The following NSUN6 variants were observed in gnomAD, a reference collection of about 807,000 sequenced individuals.
The protein encoded by NSUN6 is NOP2/Sun RNA methyltransferase 6, also known as tRNA (cytosine(72)-C(5))-methyltransferase NSUN6.
NSUN6 carries 64 observed loss-of-function variants against 58.0 expected under a neutral mutation model. The observed-to-expected ratio is 1.10, with a 90% CI of 0.90 to 1.36. The LOEUF is 1.36. NSUN6 is among the 40% of genes most tolerant of loss of function. The pLI, the probability that NSUN6 is intolerant of heterozygous loss-of-function variation, is 0.00. For missense variants in NSUN6, 701 were observed against 550.1 expected, an observed-to-expected ratio of 1.27 and a Z score of -2.74; for synonymous variants, 231 against 193.9, an observed-to-expected ratio of 1.19 and a Z score of -1.59.
intron 4 of NSUN6, 142 bp from the exon 5 acceptor site, chr10:18,614,755 T>C: frequency 1.0e-5 from 4 of 390,464 alleles, no homozygotes; most frequent in East Asian, 3.6e-5. Context: ...CCTCAATCTT[T>C]AATAGAAAAT....
At chr10:18,631,327 C>T (rs1363901245) in intron 3 of NSUN6, among the ~76,000 whole-genome samples, 2 of 144,752 alleles carry the variant, frequency 1.4e-5, no homozygotes, top group Admixed American at 7.1e-5. Context: ...GGAAGCATTC[C>T]CTTTGAAAAC....
chr10:18,653,115 C>G (rs2131618683), upstream of NSUN6: 1 of 985,096 alleles, frequency 1.0e-6, no homozygotes, highest in African/African-American at 1.7e-5. Flanking sequence ...CATAGCACCA[C>G]TGATGGCTAG....
intron 9 of NSUN6, chr10:18,551,575 T>C (rs367923077): frequency 2.8e-6 from 1 of 354,632 alleles, no homozygotes; most frequent in Non-Finnish European, 5.0e-6. Flanking sequence ...TTCATATTAC[T>C]GAGCATAATG....
chr10:18,615,619 C>T (rs2058382195), intron 4 of NSUN6, among the ~76,000 whole-genome samples: 2 of 152,284 alleles, frequency 1.3e-5, no homozygotes, highest in South Asian at 4.1e-4. Context: ...AATTCTGATA[C>T]AGATCAAATT....
At chr10:18,624,936 G>A (rs2058739436) in intron 3 of NSUN6, among the ~76,000 whole-genome samples, 2 of 152,082 alleles carry the variant, frequency 1.3e-5, no homozygotes, top group East Asian at 1.9e-4. Flanking sequence ...CTTTCCTTTC[G>A]GGAGTCTGGG....
intron 8 of NSUN6, among the ~76,000 whole-genome samples, chr10:18,578,231 A>ATTTTTTTTTTT (rs71402184): frequency 3.3e-5 from 4 of 121,158 alleles, no homozygotes; most frequent in African/African-American, 6.5e-5. Flanking sequence ...CTCTAAGCCT[A>ATTTTTTTTTTT]TTTTTTTTTT....
intron 8 of NSUN6, among the ~76,000 whole-genome samples, chr10:18,577,566 A>G (rs555797350): frequency 6.6e-6 from 1 of 152,174 alleles, no homozygotes; most frequent in South Asian, 2.1e-4. Flanking sequence ...CTCCTTTTGG[A>G]AAATCAAGCA....
chr10:18,582,624 G>A (rs989265525), intron 8 of NSUN6, among the ~76,000 whole-genome samples: 6 of 152,188 alleles, frequency 3.9e-5, no homozygotes, highest in Admixed American at 1.3e-4. Flanking sequence ...GGCAACTTAT[G>A]TCCCAGGGCA....
chr10:18,582,966 C>T (rs966140537), intron 8 of NSUN6, among the ~76,000 whole-genome samples: 2 of 152,240 alleles, frequency 1.3e-5, no homozygotes, highest in South Asian at 2.1e-4. Context: ...GCCTCTGAGA[C>T]GAAGCTCAGC....
At chr10:18,612,276 AG>A (rs1400179652) in intron 5 of NSUN6, among the ~76,000 whole-genome samples, 2 of 152,096 alleles carry the variant, frequency 1.3e-5, no homozygotes, top group African/African-American at 2.4e-5. Context: ...TTAAAATATC[AG>A]CTGATCATGG....
intron 8 of NSUN6, among the ~76,000 whole-genome samples, chr10:18,570,765 C>CA (rs2056312625): frequency 1.5e-5 from 2 of 136,036 alleles, no homozygotes; most frequent in African/African-American, 5.1e-5. Context: ...TTCTCCATTC[C>CA]ATTCCATGCT....
chr10:18,658,249 C>G (rs988589382), upstream of NSUN6: 3 of 152,200 alleles, frequency 2.0e-5, no homozygotes, highest in Admixed American at 6.5e-5. Flanking sequence ...AGCATATTAT[C>G]CTGCATCTAA....
At chr10:18,564,034 CA>C (rs1409491067) in intron 8 of NSUN6, among the ~76,000 whole-genome samples, 1 of 150,950 alleles carries the variant, frequency 6.6e-6, no homozygotes, top group Non-Finnish European at 1.5e-5. Context: ...TTACATTTTA[CA>C]TTCCATTCTC....
chr10:18,574,203 C>T (rs772119594), intron 8 of NSUN6, among the ~76,000 whole-genome samples: 36 of 152,070 alleles, frequency 2.4e-4, no homozygotes, highest in Non-Finnish European at 1.5e-4. Flanking sequence ...CAGTCCAACA[C>T]GGCTACCACA....
At chr10:18,552,000 T>A (rs761009483) in intron 8 of NSUN6, 29 bp from the exon 9 acceptor site, 7 of 1,407,824 alleles carry the variant, frequency 5.0e-6, no homozygotes, top group Non-Finnish European at 7.0e-6. Context: ...TCATGTTTAC[T>A]ATCTTCCATA....
chr10:18,567,559 T>G (rs1215637635), intron 8 of NSUN6, among the ~76,000 whole-genome samples: 1 of 150,874 alleles, frequency 6.6e-6, no homozygotes, highest in South Asian at 2.1e-4. Context: ...TCTTCCATTC[T>G]CCATTCCGTT....
intron 3 of NSUN6, among the ~76,000 whole-genome samples, chr10:18,633,763 G>C (rs796907608): frequency 6.6e-6 from 1 of 152,222 alleles, no homozygotes; most frequent in African/African-American, 2.4e-5. Context: ...AACAAACCTG[G>C]ATCAACTATC....
chr10:18,563,085 AGAATGGAATG>A (rs570259001), intron 8 of NSUN6, among the ~76,000 whole-genome samples: 249 of 150,688 alleles, frequency 1.7e-3, no homozygotes, highest in African/African-American at 3.3e-3. Context: ...CAGAGAATGC[AGAATGGAATG>A]GAATGGAATG....
chr10:18,547,332 A>T (rs2054335633), intron 10 of NSUN6, among the ~76,000 whole-genome samples: 1 of 152,138 alleles, frequency 6.6e-6, no homozygotes, highest in Non-Finnish European at 1.5e-5. Flanking sequence ...ATATATTTTG[A>T]GTGTGTGTAT....
Sources: allele counts gnomAD v4.1 joint callset (sites outside exome capture counted in the v4.1 genomes callset), GRCh38; gene constraint gnomAD v4.1.1; transcripts MANE v1.5; gene names NCBI Gene and HGNC (gene_info 2026-07-23, HGNC 2026-07-21).